Variants in BACH1 observed in about 807,000 individuals in gnomAD.
BACH1 encodes the protein transcription regulator protein BACH1.
BACH1 carries 35 observed loss-of-function variants against 52.9 expected under a neutral mutation model. The ratio of observed to expected loss-of-function variants is 0.66; its 90% CI spans 0.51 to 0.88. BACH1 has a LOEUF of 0.88. Among genes scored for constraint, BACH1 ranks in the 40% least tolerant of loss-of-function variants. The pLI is 0.00. For missense variants in BACH1, 808 were observed against 872.6 expected (o/e 0.93, Z 0.93); for synonymous variants, 321 against 319.6 (o/e 1.00, Z -0.05).
At chr21:29,334,345 G>A (rs1017607766) in intron 4 of BACH1, among the ~76,000 whole-genome samples, 2 of 152,052 alleles carry the variant, frequency 1.3e-5, no homozygotes, top group African/African-American at 4.8e-5. Flanking sequence ...TGATCCGCCC[G>A]CCTCGGCCTC....
chr21:29,321,637 T>G, intron 2 of BACH1, 123 bp downstream of exon 2: 2 of 749,980 alleles, frequency 2.7e-6, no homozygotes, highest in Non-Finnish European at 4.0e-6. Context: ...CCAGGTTCTG[T>G]GCAACCCCTT....
At chr21:29,322,209 T>C (rs2088857168) in intron 2 of BACH1, among the ~76,000 whole-genome samples, 1 of 152,182 alleles carries the variant, frequency 6.6e-6, no homozygotes, top group South Asian at 2.1e-4. Context: ...CAATTCAAGA[T>C]AAGATTTGGG....
chr21:29,321,234 A>G lies in BACH1; in HGVS notation c.-47A>G, dbSNP rs1335381696. The G allele has an allele frequency of 6.8e-7, 1 of 1,475,212 alleles. No homozygotes were observed. The highest frequency in any genetic ancestry group is 9.5e-7 in the Non-Finnish European group (1 of 1,055,808). The allele number at this position is 1,475,212 out of a possible 1,614,324, so 91.4% of individuals were successfully genotyped here. A position where few individuals can be genotyped will look rare whatever the true frequency, so the allele number is the denominator to read the frequency against. ...GTGTGTTTGCAGGTTGATGATAATT[A>G]GAAGCATGCTTTCCACTGAACTTCC... On this transcript the variant is annotated 5_prime_UTR_variant, in exon 2 of 5. Coordinates refer to ENST00000286800, the MANE Select transcript of BACH1 (RefSeq NM_001186.4).
At chr21:29,352,118 G>A (rs971305430) in intron 2 of BACH1, among the ~76,000 whole-genome samples, 2 of 150,326 alleles carry the variant, frequency 1.3e-5, no homozygotes, top group South Asian at 2.1e-4. Context: ...GCAGTGGCGC[G>A]ATCAGAGCTC....
At chr21:29,327,440 T>G (rs1197386063) in intron 3 of BACH1, 47 bp downstream of exon 3, 1 of 1,564,278 alleles carries the variant, frequency 6.4e-7, no homozygotes, top group Non-Finnish European at 8.6e-7. Context: ...AACCATTAAT[T>G]GGGATTTACT....
rs1052838721 is a variant in BACH1 at position 29,330,983 on chromosome 21, C to T, written c.1776+1290C>T. On this transcript the variant is annotated intron_variant, in intron 4 of 4. Coordinates refer to ENST00000286800, the MANE Select transcript of BACH1 (RefSeq NM_001186.4). ...AAAAAAAAACAAAAAACCCAAACAC[C>T]GACATGATATTGCTGAATAGTTAAA... is the stretch of plus-strand genomic sequence containing the variant. Among the ~76,000 whole-genome samples, 4 of 151,108 alleles carry T rather than the reference C, an allele frequency of 2.6e-5. No individual in the cohort carries two copies. In the East Asian group the frequency reaches 7.7e-4, roughly 29 times the overall value.
chr21:29,351,563 C>T (rs553761831), intron 2 of BACH1: 39 of 526,102 alleles, frequency 7.4e-5, no homozygotes, highest in South Asian at 5.1e-4. Flanking sequence ...CTCATTTGAG[C>T]GTTTACTCTG....
chr21:29,303,717 TG>T (rs1179473707), intron 1 of BACH1, among the ~76,000 whole-genome samples: 1 of 152,238 alleles, frequency 6.6e-6, no homozygotes, highest in Admixed American at 6.5e-5. Context: ...AAATATAATT[TG>T]GTTTTCTAGA....
At chr21:29,320,590 G>C (rs1016323450) in intron 1 of BACH1, among the ~76,000 whole-genome samples, 4 of 152,172 alleles carry the variant, frequency 2.6e-5, no homozygotes, top group Non-Finnish European at 5.9e-5. Flanking sequence ...GTAGTGTGAA[G>C]TAAATCTTAC....
At chr21:29,303,751 A>G (rs1017188774) in intron 1 of BACH1, among the ~76,000 whole-genome samples, 1 of 152,242 alleles carries the variant, frequency 6.6e-6, no homozygotes, top group African/African-American at 2.4e-5. Context: ...TATATGTCTA[A>G]TACTTTGAAT....
chr21:29,356,690 G>C (rs1239536316), intron 2 of BACH1, among the ~76,000 whole-genome samples: 1 of 152,258 alleles, frequency 6.6e-6, no homozygotes, highest in African/African-American at 2.4e-5. Context: ...GTTGTCAGTG[G>C]CTTCAGTGCT....
chr21:29,328,652 A>G (rs1481755245), intron 3 of BACH1, among the ~76,000 whole-genome samples: 1 of 152,140 alleles, frequency 6.6e-6, no homozygotes, highest in African/African-American at 2.4e-5. Flanking sequence ...GATCTCTATA[A>G]CTTATTCTTT....
At chr21:29,335,513 T>C (rs1046345184) in intron 4 of BACH1, among the ~76,000 whole-genome samples, 2 of 152,124 alleles carry the variant, frequency 1.3e-5, no homozygotes, top group Non-Finnish European at 2.9e-5. Flanking sequence ...AGTTCAAGTG[T>C]GTTCATTTTT....
chr21:29,314,478 C>G (rs1290016195), intron 1 of BACH1, among the ~76,000 whole-genome samples: 1 of 152,126 alleles, frequency 6.6e-6, no homozygotes, highest in Non-Finnish European at 1.5e-5. Context: ...ACAAAAGGTC[C>G]ATGACTTAAC....
chr21:29,303,523 T>C (rs1333770946), intron 1 of BACH1, among the ~76,000 whole-genome samples: 1 of 152,238 alleles, frequency 6.6e-6, no homozygotes, highest in African/African-American at 2.4e-5. Flanking sequence ...TGTGGTACCT[T>C]GTAAGTGTGC....
intron 4 of BACH1, among the ~76,000 whole-genome samples, chr21:29,329,951 C>T (rs1332919683): frequency 1.3e-5 from 2 of 152,072 alleles, no homozygotes; most frequent in Non-Finnish European, 2.9e-5. Context: ...TTATAAAGCA[C>T]TTTAGGTTCT....
chr21:29,358,507 C>T (rs181071737), intron 2 of BACH1, among the ~76,000 whole-genome samples: 2 of 152,076 alleles, frequency 1.3e-5, no homozygotes, highest in Admixed American at 1.3e-4. Flanking sequence ...TTTGGGAGGC[C>T]GAGGCAAGTG....
chr21:29,328,950 C>T (rs2088948928), intron 3 of BACH1, among the ~76,000 whole-genome samples: 1 of 152,114 alleles, frequency 6.6e-6, no homozygotes, highest in Non-Finnish European at 1.5e-5. Flanking sequence ...TCCGTTCATC[C>T]ATCCATGGAC....
chr21:29,317,159 T>G (rs2088797189), intron 1 of BACH1, among the ~76,000 whole-genome samples: 1 of 152,238 alleles, frequency 6.6e-6, no homozygotes, highest in South Asian at 2.1e-4. Flanking sequence ...GAGACTCTAA[T>G]GCCTGATGGT....
Sources: gnomAD v4.1 joint callset for allele counts (sites outside exome capture counted in the v4.1 genomes callset) on GRCh38, gnomAD v4.1.1 for gene constraint, MANE v1.5 for transcripts, NCBI Gene and HGNC (gene_info 2026-07-23, HGNC 2026-07-21) for gene names.